ESCO1: variants seen among roughly 807,000 people sequenced by gnomAD.
The protein encoded by ESCO1 is establishment of sister chromatid cohesion N-acetyltransferase 1.
A neutral mutation model predicts 83.5 loss-of-function variants in ESCO1; 33 were observed. That is an observed-to-expected ratio of 0.40 (90% CI 0.30 to 0.53). ESCO1 has a LOEUF of 0.53. ESCO1 is among the 20% of genes least tolerant of loss of function. The pLI, the probability that ESCO1 is intolerant of heterozygous loss-of-function variation, is 0.63. For synonymous variants in ESCO1, 332 were observed against 324.3 expected (o/e 1.02, Z -0.25); for missense variants, 855 against 968.0 (o/e 0.88, Z 1.55).
At chr18:21,562,707 G>A (rs752684962) in intron 7 of ESCO1, among the ~76,000 whole-genome samples, 1 of 151,566 alleles carries the variant, frequency 6.6e-6, no homozygotes, top group Non-Finnish European at 1.5e-5. Context: ...TACTTTGGGT[G>A]CCTTAATTTT....
At chr18:21,585,918 A>G (rs1349857084) in intron 1 of ESCO1, among the ~76,000 whole-genome samples, 1 of 152,156 alleles carries the variant, frequency 6.6e-6, no homozygotes, top group Non-Finnish European at 1.5e-5. Flanking sequence ...TTATTGATAC[A>G]TAATGATTAC....
At chr18:21,544,230 C>T (rs533295053) in intron 8 of ESCO1, among the ~76,000 whole-genome samples, 11 of 149,164 alleles carry the variant, frequency 7.4e-5, no homozygotes, top group South Asian at 2.1e-4. Flanking sequence ...GCCGAGATCG[C>T]GCCACTGCAC....
Position 21,567,925 on chromosome 18 carries a change from T to C in ESCO1, c.1645+55A>G, listed in dbSNP as rs112689163. The C allele has an allele frequency of 2.0e-5, 27 of 1,363,728 alleles. 1 individual carries two copies. In the African/African-American group the frequency reaches 2.0e-4, roughly 10 times the overall value. 84.5% of individuals were successfully genotyped at this position (1,363,728 alleles called of 1,614,324 possible). A position where few individuals can be genotyped will look rare whatever the true frequency, so the allele number is the denominator to read the frequency against. On this transcript the variant is annotated intron_variant, in intron 5 of 11. Coordinates refer to ENST00000269214, the MANE Select transcript of ESCO1 (RefSeq NM_052911.3). ...TGGTATATAACATTTTCTGTAATAC[T>C]GACAAAAATGTCACTGAAGACTATG...
At chr18:21,579,750 T>C (rs1371640290) in intron 2 of ESCO1, among the ~76,000 whole-genome samples, 2 of 147,538 alleles carry the variant, frequency 1.4e-5, no homozygotes, top group Non-Finnish European at 3.0e-5. Flanking sequence ...TACTCCAGCC[T>C]GGGCAACAGA....
chr18:21,570,822 A>G (rs1470783329), intron 4 of ESCO1, among the ~76,000 whole-genome samples: 3 of 152,008 alleles, frequency 2.0e-5, no homozygotes, highest in African/African-American at 7.2e-5. Context: ...CTAAAAACAC[A>G]AAAAATTAGC....
intron 1 of ESCO1, among the ~76,000 whole-genome samples, chr18:21,587,121 T>C (rs2038593123): frequency 6.6e-6 from 1 of 152,316 alleles, no homozygotes; most frequent in South Asian, 2.1e-4. Flanking sequence ...TTTTTATAAG[T>C]TGCTGGACTC....
chr18:21,570,007 T>A (rs2038318178), intron 4 of ESCO1, among the ~76,000 whole-genome samples: 1 of 152,166 alleles, frequency 6.6e-6, no homozygotes, highest in Non-Finnish European at 1.5e-5. Flanking sequence ...CCTGAACCAA[T>A]ATGGTCACCA....
At chr18:21,550,700 C>T (rs1459040347) in intron 8 of ESCO1, among the ~76,000 whole-genome samples, 1 of 152,160 alleles carries the variant, frequency 6.6e-6, no homozygotes, top group African/African-American at 2.4e-5. Context: ...GCCAACAAGT[C>T]TATTACTGAA....
chr18:21,569,484 G>A (rs963242493), intron 4 of ESCO1, among the ~76,000 whole-genome samples: 3 of 152,150 alleles, frequency 2.0e-5, no homozygotes, highest in Admixed American at 1.3e-4. Flanking sequence ...GGTGGCTCAC[G>A]CCTGTAATCC....
Position 21,566,201 on chromosome 18 carries a change from C to T in ESCO1, c.1651G>A (p.Ala551Thr), listed in dbSNP as rs763524388. Residue 551 changes from alanine to threonine, a missense_variant, in exon 6 of 12, where the codon GCT becomes ACT. By Grantham distance (58) the Ala-to-Thr change is moderately conservative. Transcript: ENST00000269214. ...DTGENKFPGS[A>T]PQQHSILSNQ... The stretch of plus-strand genomic sequence containing the variant: ...CTGAGAATACTATGCTGTTGGGGAG[C>T]TGAACCTGTAATTTAATCAAGAAGG... 6.2e-7 allele frequency: 1 copy of T among 1,612,372 alleles called. No homozygotes were observed. Among genetic ancestry groups the T allele is most frequent in the Non-Finnish European group, 8.5e-7 (1 of 1,179,152 alleles).
At chr18:21,575,955 TA>T (rs2038413830) in intron 2 of ESCO1, among the ~76,000 whole-genome samples, 178 bp from the exon 3 acceptor site, 1 of 152,180 alleles carries the variant, frequency 6.6e-6, no homozygotes, top group Admixed American at 6.6e-5. Flanking sequence ...TGCACTCAAC[TA>T]TATGCAGCCA....
At chr18:21,592,593 G>A (rs978993337) in intron 1 of ESCO1, among the ~76,000 whole-genome samples, 1 of 150,196 alleles carries the variant, frequency 6.7e-6, no homozygotes, top group Non-Finnish European at 1.5e-5. Context: ...GCGGCTGGTG[G>A]GGCGGGAGGC....
intron 2 of ESCO1, among the ~76,000 whole-genome samples, chr18:21,578,691 A>G (rs1018492386): frequency 1.3e-5 from 2 of 152,138 alleles, no homozygotes; most frequent in African/African-American, 2.4e-5. Context: ...CTACCACGAA[A>G]AAAAAGAAAA....
intron 1 of ESCO1, among the ~76,000 whole-genome samples, chr18:21,588,333 C>A (rs2146228549): frequency 6.6e-6 from 1 of 151,842 alleles, no homozygotes; most frequent in Admixed American, 6.6e-5. Flanking sequence ...ACTGGGATAA[C>A]TGGATATCAC....
At chr18:21,582,031 T>A (rs1208651409) in intron 2 of ESCO1, among the ~76,000 whole-genome samples, 1 of 151,958 alleles carries the variant, frequency 6.6e-6, no homozygotes, top group Admixed American at 6.6e-5. Context: ...AAGGCTTCAG[T>A]GAGCCGTGAT....
At chr18:21,581,823 G>C (rs933492123) in intron 2 of ESCO1, among the ~76,000 whole-genome samples, 1 of 151,616 alleles carries the variant, frequency 6.6e-6, no homozygotes, top group Non-Finnish European at 1.5e-5. Context: ...TTTGACACCA[G>C]CCTGGTCAAC....
intron 2 of ESCO1, among the ~76,000 whole-genome samples, chr18:21,578,304 A>C (rs918552556): frequency 1.3e-5 from 2 of 152,206 alleles, no homozygotes; most frequent in African/African-American, 4.8e-5. Context: ...CCTGAAAATT[A>C]AAAACACTAC....
intron 7 of ESCO1, 42 bp from the exon 8 acceptor site, chr18:21,561,032 G>C (rs2038179016): frequency 6.5e-7 from 1 of 1,550,252 alleles, no homozygotes; most frequent in Non-Finnish European, 8.7e-7. Context: ...CCTCCCAAAA[G>C]AATTATTTCA....
At chr18:21,549,686 G>T (rs1406751320) in intron 8 of ESCO1, among the ~76,000 whole-genome samples, 1 of 152,148 alleles carries the variant, frequency 6.6e-6, no homozygotes, top group Admixed American at 6.5e-5. Flanking sequence ...AAGGTCAAAG[G>T]CCAGGCACAG....
Sources: gnomAD v4.1 joint callset for allele counts (sites outside exome capture counted in the v4.1 genomes callset) on GRCh38, gnomAD v4.1.1 for gene constraint, MANE v1.5 for transcripts, NCBI Gene and HGNC (gene_info 2026-07-23, HGNC 2026-07-21) for gene names.